The following CARF variants were observed in gnomAD, a reference collection of about 807,000 sequenced individuals.
CARF encodes calcium responsive transcription factor, also known as calcium-responsive transcription factor.
Under a neutral mutation model 82.0 loss-of-function variants are expected in CARF, and 57 were observed. That is an observed-to-expected ratio of 0.70 (90% confidence interval 0.56 to 0.87). The LOEUF is 0.87. CARF is among the 40% of genes least tolerant of loss of function. The probability of loss-of-function intolerance (pLI) is 0.00; values close to 1 mark genes in which losing one functional copy is unlikely to be tolerated. For synonymous variants in CARF, 268 were observed against 290.1 expected, an observed-to-expected ratio of 0.92 and a Z score of 0.77; for missense variants, 771 against 855.8, an observed-to-expected ratio of 0.90 and a Z score of 1.24.
intron 5 of CARF, among the ~76,000 whole-genome samples, chr2:202,946,312 T>C (rs1043770851): frequency 4.6e-5 from 7 of 152,088 alleles, no homozygotes; most frequent in African/African-American, 9.7e-5. Context: ...TACAGACCAA[T>C]GGAACAGAAC....
At chr2:202,933,003 G>T (rs532489152) in intron 3 of CARF, among the ~76,000 whole-genome samples, 28 of 152,260 alleles carry the variant, frequency 1.8e-4, no homozygotes, top group African/African-American at 6.7e-4. Context: ...TGTTCTGGGA[G>T]GCCCAGGCAT....
At chr2:202,974,298 G>T in intron 12 of CARF, 36 bp from the exon 13 acceptor site, 1 of 1,500,606 alleles carries the variant, frequency 6.7e-7, no homozygotes, top group South Asian at 1.3e-5. Context: ...ATTGCTAAAT[G>T]GTTTATGTCT....
chr2:202,980,637 T>TATATA (rs1425308760), intron 14 of CARF, among the ~76,000 whole-genome samples: 1 of 65,090 alleles, frequency 1.5e-5, no homozygotes, highest in Non-Finnish European at 3.7e-5. Flanking sequence ...TATATATATA[T>TATATA]ATATATATAT....
At position 202,941,891 on chromosome 2, in the gene CARF, T is replaced by C; in HGVS notation, c.-12T>C. ...AATAATAGAAGAAAATGGAATTGAA[T>C]ATGATGTCAGCATGGAACAATCTAA... On this transcript the variant is annotated 5_prime_UTR_variant, in exon 4 of 17. Coordinates refer to ENST00000438828, the MANE Select transcript of CARF (RefSeq NM_024744.17). 2 of 1,605,412 alleles carry C rather than the reference T, an allele frequency of 1.2e-6. No homozygotes were observed. The highest frequency in any genetic ancestry group is 1.7e-6 in the Non-Finnish European group (2 of 1,173,056).
rs1440874835 is a variant in CARF at position 202,986,652 on chromosome 2, A to G, written c.*3028A>G. 2.6e-5 allele frequency: 4 copies of G among 151,660 alleles called. No homozygotes were observed. The highest frequency in any genetic ancestry group is 5.9e-5 in the Non-Finnish European group (4 of 67,838). The allele number at this position is 151,660 out of a possible 1,614,324, so 9.4% of individuals were successfully genotyped here. ...TTAAAAGGAAAAGCTTTTATATTTT[A>G]TGCAAGGTAAATGTTTCCTAAATGT... On this transcript the variant is annotated 3_prime_UTR_variant, in exon 17 of 17. Transcript: ENST00000438828.
In CARF at chr2:202,971,557, A is replaced by C. The variant is rs774042298; in HGVS notation, c.1150A>C (p.Thr384Pro). 5.6e-6 allele frequency: 9 copies of C among 1,613,226 alleles called. No homozygotes were observed. The highest frequency in any genetic ancestry group is 2.2e-5 in the South Asian group (2 of 91,040). The change falls in exon 12 of 17, where the codon ACT (threonine) becomes CCT (proline). Residue 384 changes from threonine (T) to proline (P), a missense_variant. Coordinates refer to ENST00000438828, the MANE Select transcript of CARF (RefSeq NM_024744.17). The part of the protein sequence containing the change: ...QQAHQYHELE[T>P]PCLTLSPSPF... ...AGCTCATCAGTATCATGAATTAGAG[A>C]CTCCCTGCCTCACTTTGTCACCTTC...
chr2:202,977,640 T>C (rs1033546000), intron 14 of CARF, among the ~76,000 whole-genome samples: 2 of 152,226 alleles, frequency 1.3e-5, no homozygotes, highest in Non-Finnish European at 2.9e-5. Context: ...CTGGGAACTA[T>C]GGTCCATTTT....
intron 16 of CARF, among the ~76,000 whole-genome samples, chr2:202,982,908 C>CA (rs1559290968): frequency 6.6e-6 from 1 of 152,088 alleles, no homozygotes; most frequent in Non-Finnish European, 1.5e-5. Context: ...TGTTTTGAGA[C>CA]AGAGTCTCAT....
chr2:202,919,397 G>C (rs191008424), intron 2 of CARF, among the ~76,000 whole-genome samples: 1 of 152,270 alleles, frequency 6.6e-6, no homozygotes, highest in African/African-American at 2.4e-5. Flanking sequence ...CTTGCAGTAG[G>C]ATCAGAGTAC....
chr2:202,942,443 G>C (rs2058275779), intron 4 of CARF: 1 of 201,090 alleles, frequency 5.0e-6, no homozygotes, highest in Non-Finnish European at 8.8e-6. Context: ...TTATAATACA[G>C]AACTTAATGC....
rs958487947 is a variant in CARF, at chr2:202,987,823, A to T, written c.*4199A>T. Among the ~76,000 whole-genome samples the T allele has an allele frequency of 1.3e-5, 2 of 152,230 alleles. No homozygotes were observed. Among genetic ancestry groups the T allele is most frequent in the African/African-American group, 4.8e-5 (2 of 41,450 alleles). ...TTTTTAAATATCTTTATTGAGGTAT[A>T]ATTGAAATACAATAAACTGTACATA... On this transcript the variant is annotated 3_prime_UTR_variant, in exon 17 of 17. Coordinates refer to ENST00000438828, the MANE Select transcript of CARF (RefSeq NM_024744.17).
At position 202,939,677 on chromosome 2, in the gene CARF, CT is replaced by C. The variant is rs1156373668; in HGVS notation, c.-43-2176del. Among the ~76,000 whole-genome samples, 4 of 142,364 alleles carry C rather than the reference CT, an allele frequency of 2.8e-5. No homozygotes were observed. In the East Asian group the frequency reaches 8.0e-4, roughly 29 times the overall value. 93.4% of individuals were successfully genotyped at this position (142,364 alleles called of 152,430 possible). Reference sequence around the variant, plus strand: ...ATCATCTATTTAACTTACCCATTGCCTTTTTTTCTTTTTTTTTTTTTTTTTT... The same window carrying C: ...ATCATCTATTTAACTTACCCATTGCCTTTTTTCTTTTTTTTTTTTTTTTTT... On this transcript the variant is annotated intron_variant, in intron 3 of 16. Coordinates refer to ENST00000438828, the MANE Select transcript of CARF (RefSeq NM_024744.17).
chr2:202,914,871 T>C (rs1200747455), intron 1 of CARF, among the ~76,000 whole-genome samples: 1 of 151,182 alleles, frequency 6.6e-6, no homozygotes, highest in East Asian at 1.9e-4. Flanking sequence ...GGGAAGCTTA[T>C]AGTGAGAATA....
intron 2 of CARF, among the ~76,000 whole-genome samples, chr2:202,919,632 C>T (rs1284072750): frequency 6.6e-6 from 1 of 152,048 alleles, no homozygotes; most frequent in African/African-American, 2.4e-5. Context: ...AAGTTGAAAA[C>T]AAAAAGGAAC....
chr2:202,954,767 T>C lies in CARF; in HGVS notation c.557+633T>C, dbSNP rs1052724071. ...GCTTATACCTGTAATCCCAACACTTTAGAATGCCAAGGCAGGCGGATCACG... is the reference window on the plus strand; with the variant it reads ...GCTTATACCTGTAATCCCAACACTTCAGAATGCCAAGGCAGGCGGATCACG... On this transcript the variant is annotated intron_variant, in intron 7 of 16. Transcript: ENST00000438828. Among the ~76,000 whole-genome samples, 4 of 149,594 alleles carry C rather than the reference T, an allele frequency of 2.7e-5. No individual in the cohort carries two copies. In the South Asian group the frequency reaches 6.3e-4, roughly 24 times the overall value.
intron 1 of CARF, among the ~76,000 whole-genome samples, chr2:202,916,907 C>T (rs571302560): frequency 6.6e-6 from 1 of 152,232 alleles, no homozygotes; most frequent in Admixed American, 6.5e-5. Flanking sequence ...GCCCTTTCTT[C>T]CCAGAATAAA....
intron 3 of CARF, among the ~76,000 whole-genome samples, chr2:202,939,311 C>A (rs1391159218): frequency 1.3e-5 from 2 of 152,090 alleles, no homozygotes; most frequent in East Asian, 3.8e-4. Flanking sequence ...ACCCCTTAAC[C>A]TATGATGGCG....
At chr2:202,966,754 T>G (rs1263876410) in intron 9 of CARF, among the ~76,000 whole-genome samples, 1 of 152,180 alleles carries the variant, frequency 6.6e-6, no homozygotes, top group Non-Finnish European at 1.5e-5. Context: ...GTAAATGTGA[T>G]ATTCACTAAT....
chr2:202,928,672 A>G (rs1402428360), intron 3 of CARF, among the ~76,000 whole-genome samples: 2 of 152,076 alleles, frequency 1.3e-5, no homozygotes, highest in East Asian at 3.8e-4. Flanking sequence ...CCGAGGTGAG[A>G]TGATAGCTCA....
Sources: allele counts gnomAD v4.1 joint callset (sites outside exome capture counted in the v4.1 genomes callset), GRCh38; gene constraint gnomAD v4.1.1; transcripts MANE v1.5; gene names NCBI Gene and HGNC (gene_info 2026-07-23, HGNC 2026-07-21).